EPB41L3: variants seen among roughly 807,000 people sequenced by gnomAD.
EPB41L3 encodes the protein band 4.1-like protein 3.
A neutral mutation model predicts 127.1 loss-of-function variants in EPB41L3; 57 were observed. The observed-to-expected ratio is 0.45, with a 90% CI of 0.36 to 0.56. EPB41L3 has a LOEUF of 0.56. Ranked by LOEUF, EPB41L3 falls within the 20% of genes least tolerant of loss-of-function variation. The probability of loss-of-function intolerance (pLI) is 0.00; values close to 1 mark genes in which losing one functional copy is unlikely to be tolerated. For synonymous variants in EPB41L3, 572 were observed against 549.5 expected, an observed-to-expected ratio of 1.04 and a Z score of -0.57; for missense variants, 1,273 against 1,372.2, an observed-to-expected ratio of 0.93 and a Z score of 1.14.
intron 1 of EPB41L3, among the ~76,000 whole-genome samples, chr18:5,538,081 G>A (rs1164448501): frequency 6.6e-6 from 1 of 152,170 alleles, no homozygotes; most frequent in African/African-American, 2.4e-5. Flanking sequence ...CACATTTTTA[G>A]AAACTGGAAT....
chr18:5,505,341 A>G (rs922529864), intron 1 of EPB41L3, among the ~76,000 whole-genome samples: 6 of 152,092 alleles, frequency 3.9e-5, no homozygotes, highest in African/African-American at 1.5e-4. Context: ...CATGCACCAC[A>G]TGGTCCTTCA....
intron 12 of EPB41L3, among the ~76,000 whole-genome samples, chr18:5,417,274 T>A (rs2076940187): frequency 6.6e-6 from 1 of 152,216 alleles, no homozygotes; most frequent in African/African-American, 2.4e-5. Context: ...AATATAATGA[T>A]AAAAGCAGGG....
At chr18:5,479,582 A>C (rs1265652473) in intron 2 of EPB41L3, 1 of 152,124 alleles carries the variant, frequency 6.6e-6, no homozygotes, top group East Asian at 1.9e-4. Flanking sequence ...TTCCATCCAA[A>C]AGATTGCTAA....
chr18:5,620,072 G>C (rs1296950749), intron 1 of EPB41L3, among the ~76,000 whole-genome samples: 2 of 151,824 alleles, frequency 1.3e-5, no homozygotes, highest in Non-Finnish European at 2.9e-5. Flanking sequence ...TGTCGAAATT[G>C]TGTTTCAACA....
intron 3 of EPB41L3, among the ~76,000 whole-genome samples, chr18:5,609,023 C>T (rs907125661): frequency 6.6e-6 from 1 of 152,176 alleles, no homozygotes; most frequent in South Asian, 2.1e-4. Context: ...AAATTTCATG[C>T]TAACATTCAA....
At chr18:5,436,403 CTTTT>C (rs34862547) in intron 6 of EPB41L3, among the ~76,000 whole-genome samples, 1 of 100,646 alleles carries the variant, frequency 9.9e-6, no homozygotes. Context: ...CATTTTCTTT[CTTTT>C]TTTTTTTTTT....
chr18:5,512,460 G>A (rs1478794523), intron 1 of EPB41L3, among the ~76,000 whole-genome samples: 1 of 152,196 alleles, frequency 6.6e-6, no homozygotes, highest in Admixed American at 6.5e-5. Flanking sequence ...GAGGTCACGA[G>A]CGATCTGACC....
At chr18:5,566,534 G>A (rs570057197) in intron 3 of EPB41L3, among the ~76,000 whole-genome samples, 6 of 152,226 alleles carry the variant, frequency 3.9e-5, no homozygotes, top group Non-Finnish European at 7.4e-5. Flanking sequence ...TGGCCATACT[G>A]CCCAAGGTAA....
chr18:5,433,923 G>T lies in EPB41L3; in HGVS notation c.804C>A (p.Ile268=). ...CTAACCTGTGGCTCTTGTGCAGCTC[G>T]ATCACTTTGTCTTCCAGTTCTTTAG... is the stretch of plus-strand genomic sequence containing the variant. ...NHTKELEDKV[I]ELHKSHRGMT... is the part of the protein sequence containing the mutation. The change falls in exon 7 of 23, where the codon ATC becomes ATA. Residue 268 remains isoleucine, a synonymous_variant. Coordinates refer to ENST00000341928, the MANE Select transcript of EPB41L3 (RefSeq NM_012307.5). The T allele has an allele frequency of 1.2e-6, 2 of 1,614,150 alleles. No individual in the cohort carries two copies. The highest frequency in any genetic ancestry group is 2.7e-5 in the African/African-American group (2 of 75,030).
At chr18:5,625,736 A>C (rs2144317023) in intron 1 of EPB41L3, among the ~76,000 whole-genome samples, 1 of 152,250 alleles carries the variant, frequency 6.6e-6, no homozygotes, top group Non-Finnish European at 1.5e-5. Flanking sequence ...TAGGTGTTTG[A>C]TATGTTCTTC....
In EPB41L3 at chr18:5,406,890, A is replaced by C; in HGVS notation, c.2236T>G (p.Ser746Ala). ...TCATTCGTTACGGCAGTGTCTGTTGAGGTTTCTAAGAAGGTTCTTTTCAGC... is the reference window on the plus strand; with the variant it reads ...TCATTCGTTACGGCAGTGTCTGTTGCGGTTTCTAAGAAGGTTCTTTTCAGC... ...SELKRTFLET[S>A]TDTAVTNEWE... Residue 746 changes from serine (S) to alanine (A), a missense_variant, in exon 16 of 23, where the codon TCA becomes GCA. Around this residue, in one of 3 missense-constraint regions of EPB41L3, gnomAD observed 765 missense variants for 782.9 expected, o/e 0.98. Transcript: ENST00000341928. 6.2e-7 allele frequency: 1 copy of C among 1,614,112 alleles called. No homozygotes were observed. The highest frequency in any genetic ancestry group is 8.5e-7 in the Non-Finnish European group (1 of 1,180,016).
At chr18:5,549,557 C>T (rs2093933786) in intron 3 of EPB41L3, among the ~76,000 whole-genome samples, 1 of 152,144 alleles carries the variant, frequency 6.6e-6, no homozygotes, top group Non-Finnish European at 1.5e-5. Flanking sequence ...CTAAGTTTTA[C>T]ATTTCTGTGT....
At chr18:5,529,303 T>C (rs962923831) in intron 1 of EPB41L3, among the ~76,000 whole-genome samples, 6 of 150,032 alleles carry the variant, frequency 4.0e-5, no homozygotes, top group African/African-American at 1.5e-4. Context: ...ACACGGTGGA[T>C]AAAAATTACA....
chr18:5,498,749 T>G (rs2091451754), intron 1 of EPB41L3, among the ~76,000 whole-genome samples: 2 of 152,006 alleles, frequency 1.3e-5, no homozygotes, highest in South Asian at 4.2e-4. Flanking sequence ...AGAGCAAAAG[T>G]ATTCAGCCCT....
At chr18:5,402,167 GAA>G (rs764760331) in intron 16 of EPB41L3, among the ~76,000 whole-genome samples, 1 of 143,004 alleles carries the variant, frequency 7.0e-6, no homozygotes, top group Admixed American at 7.0e-5. Flanking sequence ...TTCAGAGGAG[GAA>G]AAAAAAAAAC....
intron 2 of EPB41L3, among the ~76,000 whole-genome samples, chr18:5,483,024 C>T (rs576199108): frequency 3.9e-5 from 6 of 152,286 alleles, no homozygotes; most frequent in African/African-American, 1.4e-4. Flanking sequence ...AGTACTACCA[C>T]AATCATAACT....
At chr18:5,547,981 C>A (rs1242260946), upstream of EPB41L3, among the ~76,000 whole-genome samples, 5 of 152,200 alleles carry the variant, frequency 3.3e-5, no homozygotes, top group Admixed American at 6.5e-5. Context: ...GACGCTTGAG[C>A]AAACCCTACA....
intron 6 of EPB41L3, 98 bp downstream of exon 6, chr18:5,437,937 G>GT: frequency 9.5e-7 from 1 of 1,056,212 alleles, no homozygotes; most frequent in Non-Finnish European, 1.4e-6. Context: ...GTGGATGATT[G>GT]TAAGGCTACC....
chr18:5,447,208 A>G lies in EPB41L3; in HGVS notation c.382-1964T>C, dbSNP rs975736333. On this transcript the variant is annotated intron_variant, in intron 3 of 22. Coordinates refer to ENST00000341928, the MANE Select transcript of EPB41L3 (RefSeq NM_012307.5). Reference sequence around the variant, plus strand: ...GAATGGATGACATTAAAATCAAATAATGTATTCAAATGTGGCCTAGTGGTG... The same window carrying G: ...GAATGGATGACATTAAAATCAAATAGTGTATTCAAATGTGGCCTAGTGGTG... Among the ~76,000 whole-genome samples, 8 of 152,280 alleles carry G rather than the reference A, an allele frequency of 5.3e-5. 1 individual carries two copies. The highest frequency in any genetic ancestry group is 4.6e-4 in the Admixed American group (7 of 15,302).
Sources: allele counts gnomAD v4.1 joint callset (sites outside exome capture counted in the v4.1 genomes callset), GRCh38; gene constraint gnomAD v4.1.1; regional missense constraint gnomAD v4.1.1; transcripts MANE v1.5; gene names NCBI Gene and HGNC (gene_info 2026-07-23, HGNC 2026-07-21).